DCP1A: variants seen among roughly 807,000 people sequenced by gnomAD.
DCP1A encodes mRNA-decapping enzyme 1A.
A neutral mutation model predicts 58.0 loss-of-function variants in DCP1A; 20 were observed. The ratio of observed to expected loss-of-function variants is 0.34; its 90% confidence interval spans 0.24 to 0.50. The LOEUF is 0.50. Among genes scored for constraint, DCP1A ranks in the 20% least tolerant of loss-of-function variants. The probability of loss-of-function intolerance (pLI) is 0.98; values close to 1 mark genes in which losing one functional copy is unlikely to be tolerated. For missense variants in DCP1A, 613 were observed against 712.2 expected (o/e 0.86, Z 1.59); for synonymous variants, 285 against 275.1 (o/e 1.04, Z -0.36).
At chr3:53,305,050 C>T (rs891239153) in intron 5 of DCP1A, among the ~76,000 whole-genome samples, 2 of 152,162 alleles carry the variant, frequency 1.3e-5, no homozygotes, top group African/African-American at 4.8e-5. Context: ...CCTCCACTCC[C>T]GGCAACTAGG....
At chr3:53,313,802 T>C (rs1317786584) in intron 4 of DCP1A, among the ~76,000 whole-genome samples, 1 of 151,944 alleles carries the variant, frequency 6.6e-6, no homozygotes, top group Non-Finnish European at 1.5e-5. Flanking sequence ...CATTAGAGTG[T>C]GGGGAAGAGG....
chr3:53,290,159 G>C (rs1255833063), intron 8 of DCP1A, among the ~76,000 whole-genome samples: 1 of 152,172 alleles, frequency 6.6e-6, no homozygotes, highest in Non-Finnish European at 1.5e-5. Flanking sequence ...AAACCTGTGT[G>C]CATTGCAAGG....
chr3:53,299,625 C>G (rs1429209971), intron 6 of DCP1A, among the ~76,000 whole-genome samples: 4 of 152,206 alleles, frequency 2.6e-5, no homozygotes, highest in Admixed American at 1.3e-4. Flanking sequence ...AAATACACTA[C>G]AGAAACAATC....
At chr3:53,290,142 TA>T (rs541749838) in intron 8 of DCP1A, among the ~76,000 whole-genome samples, 293 of 150,906 alleles carry the variant, frequency 1.9e-3, no homozygotes, top group African/African-American at 6.8e-3. Context: ...TTTAGGGAGC[TA>T]AAAAAAAACC....
chr3:53,315,988 T>A (rs1707800227), intron 4 of DCP1A, among the ~76,000 whole-genome samples: 1 of 152,082 alleles, frequency 6.6e-6, no homozygotes, highest in South Asian at 2.1e-4. Context: ...TCTCCTGACC[T>A]CGTGATACGC....
At chr3:53,314,667 C>CTTTTTTTTTTTTTTTTTTT (rs1167830951) in intron 4 of DCP1A, among the ~76,000 whole-genome samples, 2 of 86,722 alleles carry the variant, frequency 2.3e-5, no homozygotes, top group Admixed American at 1.4e-4. Context: ...TTTTCTTTTT[C>CTTTTTTTTTTTTTTTTTTT]TTTTTTTTTT....
At position 53,283,823 on chromosome 3, in the gene DCP1A, T is replaced by C. The variant is rs1234887935; in HGVS notation, c.*3757A>G. 1 of 152,364 alleles carries C rather than the reference T, an allele frequency of 6.6e-6. No individual in the cohort carries two copies. Among genetic ancestry groups the C allele is most frequent in the Non-Finnish European group, 1.5e-5 (1 of 68,032 alleles). The allele number at this position is 152,364 out of a possible 1,614,324, so 9.4% of individuals were successfully genotyped here. On this transcript the variant is annotated 3_prime_UTR_variant, in exon 10 of 10. Transcript: ENST00000610213. ...TTTCCCCACTTTGAAGTGAATGATA[T>C]TGCATCTTAGCATTTTAAATGAAGG... is the stretch of plus-strand genomic sequence containing the variant.
chr3:53,298,386 G>C (rs1045155667), intron 6 of DCP1A, among the ~76,000 whole-genome samples: 1 of 152,228 alleles, frequency 6.6e-6, no homozygotes, highest in African/African-American at 2.4e-5. Flanking sequence ...GGGGAGTATG[G>C]TAAAGCATTA....
intron 5 of DCP1A, among the ~76,000 whole-genome samples, chr3:53,308,831 A>AT (rs1176386656): frequency 3.3e-5 from 5 of 152,074 alleles, no homozygotes; most frequent in African/African-American, 1.2e-4. Flanking sequence ...AAACTCGTGG[A>AT]TTCAAGCAAT....
At chr3:53,338,092 T>A in intron 3 of DCP1A, 1 of 417,438 alleles carries the variant, frequency 2.4e-6, no homozygotes, top group Non-Finnish European at 4.9e-6. Flanking sequence ...ACTTATTACC[T>A]TTGCGAATCT....
intron 3 of DCP1A, among the ~76,000 whole-genome samples, chr3:53,323,027 T>C (rs1708014885): frequency 6.6e-6 from 1 of 152,078 alleles, no homozygotes; most frequent in Non-Finnish European, 1.5e-5. Context: ...GGTTTAACCA[T>C]GTTAGCCAGT....
rs781980864 is a variant in DCP1A, at chr3:53,292,138, G to C, written c.1314C>G (p.Pro438=). 4 of 1,613,878 alleles carry C rather than the reference G, an allele frequency of 2.5e-6. No individual in the cohort carries two copies. Among genetic ancestry groups the C allele is most frequent in the Non-Finnish European group, 3.4e-6 (4 of 1,179,882 alleles). ...LATPESFIEP[P]SKTAAARVAA... ...CCACTCTTGCTGCTGCTGTCTTAGA[G>C]GGAGGCTCTATGAAGCTCTCAGGTG... Residue 438 remains proline (P), a synonymous_variant, in exon 7 of 10, where the codon CCC becomes CCG. Coordinates refer to ENST00000610213, the MANE Select transcript of DCP1A (RefSeq NM_018403.7).
chr3:53,290,595 C>T, intron 8 of DCP1A, 196 bp downstream of exon 8: 1 of 663,156 alleles, frequency 1.5e-6, no homozygotes, highest in Non-Finnish European at 2.7e-6. Flanking sequence ...ACTTCACATC[C>T]AGCAGAACTT....
At chr3:53,327,083 C>A (rs1553690663) in intron 3 of DCP1A, among the ~76,000 whole-genome samples, 1 of 151,910 alleles carries the variant, frequency 6.6e-6, no homozygotes. Context: ...GGCCCCTGAC[C>A]TCCATGGATT....
intron 1 of DCP1A, among the ~76,000 whole-genome samples, chr3:53,347,139 G>A (rs1356747775): frequency 6.6e-6 from 1 of 152,158 alleles, no homozygotes; most frequent in African/African-American, 2.4e-5. Flanking sequence ...GACTGATCCT[G>A]CTCCAATCCT....
chr3:53,342,234 G>A lies in DCP1A; in HGVS notation c.214C>T (p.Arg72Ter). ...SPYHGFTIVNRLNMHNLVEPV... is the reference protein window; with the variant it reads ...SPYHGFTIVN ...TCAACTAGATTGTGCATATTTAGTC[G>A]ATTCACAATGGTAAAACCATGGTAA... is the stretch of plus-strand genomic sequence containing the variant. The change falls in exon 3 of 10, where the codon CGA (arginine) becomes TGA (stop). Residue 72 changes from arginine (R) to a stop codon, truncating the protein, a stop_gained. Coordinates refer to ENST00000610213, the MANE Select transcript of DCP1A (RefSeq NM_018403.7). LOFTEE classifies it high-confidence loss of function. 2 of 1,602,784 alleles carry A rather than the reference G, an allele frequency of 1.2e-6. No individual in the cohort carries two copies. Among genetic ancestry groups the A allele is most frequent in the Non-Finnish European group, 1.7e-6 (2 of 1,172,838 alleles).
intron 3 of DCP1A, among the ~76,000 whole-genome samples, chr3:53,322,195 G>A (rs1707987172): frequency 6.6e-6 from 1 of 152,132 alleles, no homozygotes; most frequent in Non-Finnish European, 1.5e-5. Context: ...GCTCATGCCT[G>A]TAATCCTGGC....
At chr3:53,339,029 G>T (rs1431988306) in intron 3 of DCP1A, among the ~76,000 whole-genome samples, 1 of 152,076 alleles carries the variant, frequency 6.6e-6, no homozygotes, top group Non-Finnish European at 1.5e-5. Context: ...TGTCTTGATG[G>T]TATTTCCCAC....
intron 6 of DCP1A, among the ~76,000 whole-genome samples, chr3:53,301,397 G>T (rs982672373): frequency 6.6e-6 from 1 of 151,730 alleles, no homozygotes; most frequent in Non-Finnish European, 1.5e-5. Context: ...TCAGCCTCCC[G>T]AATAGCTGGG....
Sources: gnomAD v4.1 joint callset for allele counts (sites outside exome capture counted in the v4.1 genomes callset) on GRCh38, gnomAD v4.1.1 for gene constraint, MANE v1.5 for transcripts, NCBI Gene and HGNC (gene_info 2026-07-23, HGNC 2026-07-21) for gene names.